Variants in NUDT18 observed in about 807,000 individuals in gnomAD.
NUDT18 encodes the protein 8-oxo-dGDP phosphatase NUDT18.
Under a neutral mutation model 27.6 loss-of-function variants are expected in NUDT18, and 26 were observed. The observed-to-expected ratio is 0.94, with a 90% confidence interval of 0.69 to 1.31. NUDT18 has a LOEUF of 1.31. Among genes scored for constraint, NUDT18 ranks in the 50% most tolerant of loss-of-function variants. The probability of loss-of-function intolerance (pLI) is 0.00; values close to 1 mark genes in which losing one functional copy is unlikely to be tolerated. For missense variants in NUDT18, 450 were observed against 433.4 expected (o/e 1.04, Z -0.34); for synonymous variants, 220 against 196.9 (o/e 1.12, Z -0.98).
At position 22,107,611 on chromosome 8, in the gene NUDT18, G is replaced by A. The variant is rs565858178; in HGVS notation, c.661C>T (p.Leu221Phe). Residue 221 changes from leucine (L) to phenylalanine (F), a missense_variant, in exon 3 of 3, where the codon CTC becomes TTC. Coordinates refer to ENST00000611621, the MANE Select transcript of NUDT18 (RefSeq NM_024815.4). Reference protein sequence around the residue: ...MPHLPVTACGLDPMEQRGGMK... With the variant: ...MPHLPVTACGFDPMEQRGGMK... Reference sequence around the variant, plus strand: ...CCACCCCTCTGCTCCATAGGGTCGAGGCCACAGGCAGTGACAGGCAAGTGA... The same window carrying A: ...CCACCCCTCTGCTCCATAGGGTCGAAGCCACAGGCAGTGACAGGCAAGTGA... The A allele has an allele frequency of 1.2e-5, 19 of 1,613,246 alleles. No individual in the cohort carries two copies. In the Admixed American group the frequency reaches 3.0e-4, roughly 25 times the overall value.
upstream of NUDT18, chr8:22,109,562 G>T (rs7830885): frequency 0.51 from 257,002 of 502,642 alleles, 67,710 homozygotes; most frequent in Middle Eastern, 0.68. Context: ...TGGAACTGGG[G>T]GGGCACGGGT....
chr8:22,109,094 G>A, intron 1 of NUDT18, 45 bp downstream of exon 1: 2 of 1,357,882 alleles, frequency 1.5e-6, no homozygotes, highest in South Asian at 1.7e-5. Flanking sequence ...ACCTGGGCTG[G>A]CTGCGCGCTC....
At chr8:22,110,152 A>C (rs1324942392), upstream of NUDT18, among the ~76,000 whole-genome samples, 1 of 151,930 alleles carries the variant, frequency 6.6e-6, no homozygotes, top group Non-Finnish European at 1.5e-5. Flanking sequence ...TGCCTACCGC[A>C]TTTCCCACGC....
chr8:22,107,466 C>T lies in NUDT18; in HGVS notation c.806G>A (p.Cys269Tyr). The T allele has an allele frequency of 6.2e-7, 1 of 1,613,356 alleles. No homozygotes were observed. Among genetic ancestry groups the T allele is most frequent in the Non-Finnish European group, 8.5e-7 (1 of 1,179,864 alleles). ...AGCCACGGTCACCAGCACATTCAAA[C>T]AGATGCCATCACTGTGATCTCGGCC... ...HLGRDHSDGI[C>Y]LNVLVTVAFR... The change falls in exon 3 of 3, where the codon TGT becomes TAT. Residue 269 changes from cysteine (C) to tyrosine (Y), a missense_variant. By Grantham distance (194) the Cys-to-Tyr change is radical (BLOSUM62 -2). Coordinates refer to ENST00000611621, the MANE Select transcript of NUDT18 (RefSeq NM_024815.4).
At position 22,107,908 on chromosome 8, in the gene NUDT18, T is replaced by A; in HGVS notation, c.377-13A>T. On this transcript the variant is annotated splice_polypyrimidine_tract_variant and intron_variant, in intron 2 of 2. Coordinates refer to ENST00000611621, the MANE Select transcript of NUDT18 (RefSeq NM_024815.4). ...TTGAGAATTCCACCTGGGGGAGATG[T>A]GGGGGATGGGGCAGGGAGGGTCTGT... The A allele has an allele frequency of 6.4e-7, 1 of 1,554,352 alleles. No homozygotes were observed. The highest frequency in any genetic ancestry group is 8.7e-7 in the Non-Finnish European group (1 of 1,145,630).
In NUDT18 at chr8:22,107,173, G is replaced by C. The variant is rs1367711518; in HGVS notation, c.*127C>G. 1 of 689,734 alleles carries C rather than the reference G, an allele frequency of 1.4e-6. No individual in the cohort carries two copies. The highest frequency in any genetic ancestry group is 1.8e-5 in the African/African-American group (1 of 55,346). 42.7% of individuals were successfully genotyped at this position (689,734 alleles called of 1,614,324 possible). A position where few individuals can be genotyped will look rare whatever the true frequency, so the allele number is the denominator to read the frequency against. On this transcript the variant is annotated 3_prime_UTR_variant, in exon 3 of 3. Coordinates refer to ENST00000611621, the MANE Select transcript of NUDT18 (RefSeq NM_024815.4). ...CTCAAAGCATCTCTCCTGGGGACCAGGAGAGCCGCCCCTGCTCCCAATGCA... is the reference window on the plus strand; with the variant it reads ...CTCAAAGCATCTCTCCTGGGGACCACGAGAGCCGCCCCTGCTCCCAATGCA...
chr8:22,108,231 T>C lies in NUDT18; in HGVS notation c.278A>G (p.Lys93Arg). The C allele has an allele frequency of 6.3e-7, 1 of 1,598,218 alleles. No individual in the cohort carries two copies. Among genetic ancestry groups the C allele is most frequent in the Non-Finnish European group, 8.5e-7 (1 of 1,173,198 alleles). The change falls in exon 2 of 3, where the codon AAG (lysine) becomes AGG (arginine). Residue 93 changes from lysine to arginine, a missense_variant. By Grantham distance (26) the Lys-to-Arg change is conservative. Coordinates refer to ENST00000611621, the MANE Select transcript of NUDT18 (RefSeq NM_024815.4). ...CTCACAGTGCAGCCCCGCCTCCTCCTTCACCTCCCGCTGCAGCGCCTCCAC... is the reference window on the plus strand; with the variant it reads ...CTCACAGTGCAGCCCCGCCTCCTCCCTCACCTCCCGCTGCAGCGCCTCCAC... ...TIVEALQREV[K>R]EEAGLHCEPE...
chr8:22,106,984 A>G lies in NUDT18; in HGVS notation c.*316T>C. 3.3e-6 allele frequency: 1 copy of G among 302,662 alleles called. No homozygotes were observed. Among genetic ancestry groups the G allele is most frequent in the South Asian group, 5.5e-5 (1 of 18,072 alleles). 18.7% of individuals were successfully genotyped at this position (302,662 alleles called of 1,614,324 possible). A position where few individuals can be genotyped will look rare whatever the true frequency, so the allele number is the denominator to read the frequency against. Reference sequence around the variant, plus strand: ...AAGGATCAGAATGCAGGCCTTTCCCAAGGACGGCACAGAACGTGATGAGGA... The same window carrying G: ...AAGGATCAGAATGCAGGCCTTTCCCGAGGACGGCACAGAACGTGATGAGGA... On this transcript the variant is annotated 3_prime_UTR_variant, in exon 3 of 3. Transcript: ENST00000611621.
chr8:22,107,731 G>C lies in NUDT18; in HGVS notation c.541C>G (p.Gln181Glu), dbSNP rs765120967. The C allele has an allele frequency of 1.9e-6, 3 of 1,613,502 alleles. No homozygotes were observed. The highest frequency in any genetic ancestry group is 1.3e-5 in the African/African-American group (1 of 74,930). Residue 181 changes from glutamine (Q) to glutamate (E), a missense_variant, in exon 3 of 3, where the codon CAA becomes GAA. By Grantham distance (29) the Gln-to-Glu change is conservative. Transcript: ENST00000611621. The part of the protein sequence containing the change: ...QQARHPLILP[Q>E]ELPCDLVCQR... ...CAGACCAGATCACAGGGTAGCTCTTGGGGCAGAATGAGAGGGTGCCTGGCT... is the reference window on the plus strand; with the variant it reads ...CAGACCAGATCACAGGGTAGCTCTTCGGGCAGAATGAGAGGGTGCCTGGCT...
At chr8:22,109,101 G>C in intron 1 of NUDT18, 38 bp downstream of exon 1, 1 of 1,370,878 alleles carries the variant, frequency 7.3e-7, no homozygotes, top group Non-Finnish European at 9.3e-7. Flanking sequence ...CTGGCTGCGC[G>C]CTCCCGAGGC....
At position 22,109,397 on chromosome 8, in the gene NUDT18, G is replaced by GAGACCGCTCCCAGTCCCTGCGT; in HGVS notation, c.-98_-97insACGCAGGGACTGGGAGCGGTCT. 5 of 1,170,392 alleles carry GAGACCGCTCCCAGTCCCTGCGT rather than the reference G, an allele frequency of 4.3e-6. No homozygotes were observed. Among genetic ancestry groups the GAGACCGCTCCCAGTCCCTGCGT allele is most frequent in the Non-Finnish European group, 5.5e-6 (5 of 902,238 alleles). 72.5% of individuals were successfully genotyped at this position (1,170,392 alleles called of 1,614,324 possible). On this transcript the variant is annotated 5_prime_UTR_variant, in exon 1 of 3. Coordinates refer to ENST00000611621, the MANE Select transcript of NUDT18 (RefSeq NM_024815.4). ...GCGGAGCCCGCTCCCAGTCCCTGCGGCAGCGGGCCGGGAGCTCACGAGAAC... is the reference window on the plus strand; with the variant it reads ...GCGGAGCCCGCTCCCAGTCCCTGCGGAGACCGCTCCCAGTCCCTGCGTCAGCGGGCCGGGAGCTCACGAGAAC...
rs757949590 is a variant in NUDT18, at chr8:22,107,309, C to A, written c.963G>T (p.Val321=). Reference sequence around the variant, plus strand: ...CACCTCCCCCACCTCTCTATCTGTTCACTGGGACAACAGAGGATCCCTGAA... The same window carrying A: ...CACCTCCCCCACCTCTCTATCTGTTAACTGGGACAACAGAGGATCCCTGAA... ...QRLQGSSVVP[V]NR Residue 321 remains valine (V), a synonymous_variant, in exon 3 of 3, where the codon GTG becomes GTT. Coordinates refer to ENST00000611621, the MANE Select transcript of NUDT18 (RefSeq NM_024815.4). The A allele has an allele frequency of 8.1e-6, 13 of 1,599,578 alleles. No individual in the cohort carries two copies. The highest frequency in any genetic ancestry group is 2.3e-5 in the South Asian group (2 of 88,684).
Position 22,107,668 on chromosome 8 carries a change from C to G in NUDT18, c.604G>C (p.Val202Leu). ...LVATFTSAQTVWVLVGTVGMP... is the reference protein window; with the variant it reads ...LVATFTSAQTLWVLVGTVGMP... Reference sequence around the variant, plus strand: ...CCCACTGTGCCCACTAACACCCACACTGTCTGGGCGCTGGTAAAGGTAGCC... The same window carrying G: ...CCCACTGTGCCCACTAACACCCACAGTGTCTGGGCGCTGGTAAAGGTAGCC... The change falls in exon 3 of 3, where the codon GTG becomes CTG. Residue 202 changes from valine (V) to leucine (L), a missense_variant. Val to Leu is a conservative substitution (Grantham distance 32). Transcript: ENST00000611621. The G allele has an allele frequency of 6.2e-7, 1 of 1,612,478 alleles. No homozygotes were observed. The highest frequency in any genetic ancestry group is 8.5e-7 in the Non-Finnish European group (1 of 1,179,194).
upstream of NUDT18, chr8:22,109,468 T>C: frequency 1.8e-6 from 1 of 568,554 alleles, no homozygotes; most frequent in South Asian, 2.9e-5. Flanking sequence ...CTCTGGCCGC[T>C]GATAGGCTGC....
Position 22,107,016 on chromosome 8 carries a change from A to C in NUDT18, c.*284T>G. ...GCACAGAACGTGATGAGGAGATGCC[A>C]CTGGGGGTGCAGAAAGCTCCCCATC... On this transcript the variant is annotated 3_prime_UTR_variant, in exon 3 of 3. Transcript: ENST00000611621. 1 of 407,474 alleles carries C rather than the reference A, an allele frequency of 2.5e-6. No homozygotes were observed. The highest frequency in any genetic ancestry group is 4.5e-6 in the Non-Finnish European group (1 of 223,832). 25.2% of individuals were successfully genotyped at this position (407,474 alleles called of 1,614,324 possible). A position where few individuals can be genotyped will look rare whatever the true frequency, so the allele number is the denominator to read the frequency against.
At position 22,107,560 on chromosome 8, in the gene NUDT18, G is replaced by A. The variant is rs1365141053; in HGVS notation, c.712C>T (p.Leu238=). The A allele has an allele frequency of 1.2e-6, 2 of 1,612,956 alleles. No homozygotes were observed. Among genetic ancestry groups the A allele is most frequent in the African/African-American group, 1.3e-5 (1 of 74,942 alleles). The change falls in exon 3 of 3, where the codon CTG becomes TTG. Residue 238 remains leucine, a synonymous_variant. Coordinates refer to ENST00000611621, the MANE Select transcript of NUDT18 (RefSeq NM_024815.4). ...TGGTGCAGGGTCAGACACTCCTGCA[G>A]CAGCCGCAGGACGGCCATCTTCATG... ...GGMKMAVLRL[L]QECLTLHHLV... is the part of the protein sequence containing the mutation.
chr8:22,109,130 G>A lies in NUDT18; in HGVS notation c.162+9C>T. 1 of 1,416,724 alleles carries A rather than the reference G, an allele frequency of 7.1e-7. No homozygotes were observed. Among genetic ancestry groups the A allele is most frequent in the Non-Finnish European group, 9.1e-7 (1 of 1,096,830 alleles). 87.8% of individuals were successfully genotyped at this position (1,416,724 alleles called of 1,614,324 possible). On this transcript the variant is annotated intron_variant, in intron 1 of 2. Transcript: ENST00000611621. Reference sequence around the variant, plus strand: ...CCGAGGCCCGGCGGGCCCGGGGGCGGCCGCTCACCTGCTCGCTGAGGAACA... The same window carrying A: ...CCGAGGCCCGGCGGGCCCGGGGGCGACCGCTCACCTGCTCGCTGAGGAACA...
Position 22,107,535 on chromosome 8 carries a change from T to C in NUDT18, c.737A>G (p.His246Arg), listed in dbSNP as rs774260766. 19 of 1,612,840 alleles carry C rather than the reference T, an allele frequency of 1.2e-5. No individual in the cohort carries two copies. Among genetic ancestry groups the C allele is most frequent in the Non-Finnish European group, 1.6e-5 (19 of 1,179,870 alleles). Residue 246 changes from histidine to arginine, a missense_variant, in exon 3 of 3, where the codon CAC becomes CGC. Coordinates refer to ENST00000611621, the MANE Select transcript of NUDT18 (RefSeq NM_024815.4). ...CAACCCCTTGATCTCCACCACCAAGTGGTGCAGGGTCAGACACTCCTGCAG... is the reference window on the plus strand; with the variant it reads ...CAACCCCTTGATCTCCACCACCAAGCGGTGCAGGGTCAGACACTCCTGCAG... Reference protein sequence around the residue: ...RLLQECLTLHHLVVEIKGLLG... With the variant: ...RLLQECLTLHRLVVEIKGLLG...
chr8:22,109,829 G>A (rs1360959379), upstream of NUDT18: 2 of 441,728 alleles, frequency 4.5e-6, no homozygotes, highest in South Asian at 3.2e-5. Context: ...AACACACAAT[G>A]GCATTGCCGG....
Sources: gnomAD v4.1 joint callset for allele counts (sites outside exome capture counted in the v4.1 genomes callset) on GRCh38, gnomAD v4.1.1 for gene constraint, MANE v1.5 for transcripts, NCBI Gene and HGNC (gene_info 2026-07-23, HGNC 2026-07-21) for gene names.